Variants in MAGI2 observed in about 807,000 individuals in gnomAD.
MAGI2 encodes the protein membrane-associated guanylate kinase, WW and PDZ domain-containing protein 2.
In MAGI2, 35 loss-of-function variants were observed where a neutral mutation model predicts 133.3. That is an observed-to-expected ratio of 0.26 (90% CI 0.20 to 0.35). The LOEUF is 0.35. Ranked by LOEUF, MAGI2 falls within the 10% of genes least tolerant of loss-of-function variation. The pLI is 1.00. For synonymous variants in MAGI2, 729 were observed against 710.6 expected (o/e 1.03, Z -0.41); for missense variants, 1,636 against 1,863.4 (o/e 0.88, Z 2.25).
At chr7:78,112,814 G>C (rs1048711852) in intron 20 of MAGI2, among the ~76,000 whole-genome samples, 3 of 152,212 alleles carry the variant, frequency 2.0e-5, no homozygotes, top group Non-Finnish European at 4.4e-5. Flanking sequence ...ACTTCATAAA[G>C]TGATCAGACA....
At chr7:79,025,312 A>T (rs1344335986) in intron 1 of MAGI2, among the ~76,000 whole-genome samples, 1 of 152,166 alleles carries the variant, frequency 6.6e-6, no homozygotes, top group Non-Finnish European at 1.5e-5. Context: ...GAGTATGTGG[A>T]CACAAAGAAG....
At chr7:79,289,437 G>C (rs954845927) in intron 1 of MAGI2, among the ~76,000 whole-genome samples, 3 of 152,108 alleles carry the variant, frequency 2.0e-5, no homozygotes, top group African/African-American at 7.2e-5. Flanking sequence ...TGAGGGCAAG[G>C]TCATGAGATT....
intron 6 of MAGI2, among the ~76,000 whole-genome samples, chr7:78,382,226 A>C (rs1794988770): frequency 3.9e-5 from 6 of 152,170 alleles, no homozygotes; most frequent in African/African-American, 9.6e-5. Flanking sequence ...GAAGAGCCAC[A>C]AACTAAAGAA....
At chr7:78,612,424 G>T (rs923002975) in intron 3 of MAGI2, among the ~76,000 whole-genome samples, 1 of 151,966 alleles carries the variant, frequency 6.6e-6, no homozygotes, top group African/African-American at 2.4e-5. Context: ...ATGAGAATGA[G>T]TATTAACGGG....
chr7:79,177,970 T>C (rs1826259941), intron 1 of MAGI2, among the ~76,000 whole-genome samples: 1 of 152,062 alleles, frequency 6.6e-6, no homozygotes, highest in Non-Finnish European at 1.5e-5. Context: ...TTAAGCACTG[T>C]GTTAAGACTA....
At position 79,055,090 on chromosome 7, in the gene MAGI2, G is replaced by A. The variant is rs1222916871; in HGVS notation, c.302-47884C>T. Among the ~76,000 whole-genome samples the A allele has an allele frequency of 7.2e-5, 11 of 152,224 alleles. No homozygotes were observed. In the South Asian group the frequency reaches 1.9e-3, roughly 26 times the overall value. ...ATTACAGGCGTGAGCCACCATGTCC[G>A]GCCTCCTTGCCTGTCCTATCTTTAT... On this transcript the variant is annotated intron_variant, in intron 1 of 21. Coordinates refer to ENST00000354212, the MANE Select transcript of MAGI2 (RefSeq NM_012301.4).
intron 1 of MAGI2, among the ~76,000 whole-genome samples, chr7:79,388,888 A>C (rs1173624651): frequency 6.6e-6 from 1 of 151,170 alleles, no homozygotes; most frequent in Non-Finnish European, 1.5e-5. Context: ...GGGTATGAGT[A>C]AACAATAATT....
At chr7:78,086,641 ATT>A (rs368254308) in intron 20 of MAGI2, among the ~76,000 whole-genome samples, 1 of 116,304 alleles carries the variant, frequency 8.6e-6, no homozygotes, top group South Asian at 3.0e-4. Context: ...TATTATTATT[ATT>A]TTTTTTTTTG....
intron 1 of MAGI2, among the ~76,000 whole-genome samples, chr7:79,280,444 T>A (rs1835548858): frequency 6.6e-6 from 1 of 152,084 alleles, no homozygotes; most frequent in South Asian, 2.1e-4. Context: ...TATCAAAAAG[T>A]CCTTGTAAAG....
intron 1 of MAGI2, among the ~76,000 whole-genome samples, chr7:79,336,883 C>T (rs1012182338): frequency 1.3e-5 from 2 of 151,602 alleles, no homozygotes; most frequent in Non-Finnish European, 2.9e-5. Flanking sequence ...TACAAAGTAG[C>T]AGATATGTAG....
chr7:78,996,850 T>C (rs950865833), intron 2 of MAGI2, among the ~76,000 whole-genome samples: 2 of 152,148 alleles, frequency 1.3e-5, no homozygotes, highest in Non-Finnish European at 2.9e-5. Flanking sequence ...AGAAAATTAT[T>C]GTTTAGAGAA....
chr7:78,485,558 T>G (rs938247758), intron 6 of MAGI2: 5 of 152,030 alleles, frequency 3.3e-5, no homozygotes, highest in African/African-American at 9.7e-5. Context: ...GAGAAAACTT[T>G]TGTTAGTTTT....
At chr7:78,182,173 T>A (rs1212891418) in intron 13 of MAGI2, among the ~76,000 whole-genome samples, 1 of 152,202 alleles carries the variant, frequency 6.6e-6, no homozygotes, top group Non-Finnish European at 1.5e-5. Flanking sequence ...CATCACTTTT[T>A]GGGCTTTTCC....
intron 1 of MAGI2, among the ~76,000 whole-genome samples, chr7:79,407,200 C>T (rs992404172): frequency 6.6e-6 from 1 of 152,128 alleles, no homozygotes; most frequent in African/African-American, 2.4e-5. Flanking sequence ...AAACCTTGAC[C>T]TGATATTCAT....
intron 2 of MAGI2, among the ~76,000 whole-genome samples, chr7:78,670,551 C>T (rs1014745475): frequency 2.0e-5 from 3 of 152,254 alleles, no homozygotes; most frequent in African/African-American, 7.2e-5. Context: ...TGACTTTCTT[C>T]ACAGAATTGG....
At chr7:79,228,762 G>A (rs2129554037) in intron 1 of MAGI2, among the ~76,000 whole-genome samples, 1 of 152,234 alleles carries the variant, frequency 6.6e-6, no homozygotes, top group African/African-American at 2.4e-5. Context: ...TCACCCAGTT[G>A]AGCCCACATC....
At chr7:79,127,360 CTGAGGA>C (rs1790653380) in intron 1 of MAGI2, among the ~76,000 whole-genome samples, 1 of 152,054 alleles carries the variant, frequency 6.6e-6, no homozygotes, top group Admixed American at 6.5e-5. Flanking sequence ...TTCTAGATCC[CTGAGGA>C]ATCGCCACAC....
chr7:79,146,177 G>A (rs991302581), intron 1 of MAGI2, among the ~76,000 whole-genome samples: 1 of 152,116 alleles, frequency 6.6e-6, no homozygotes, highest in African/African-American at 2.4e-5. Context: ...TTAAACCAAG[G>A]TATGCAAAAT....
chr7:78,758,968 T>G (rs1469420326), intron 2 of MAGI2, among the ~76,000 whole-genome samples: 1 of 152,204 alleles, frequency 6.6e-6, no homozygotes, highest in Non-Finnish European at 1.5e-5. Context: ...ATTATGAGCT[T>G]CTTATGGGCC....
Sources: gnomAD v4.1 joint callset for allele counts (sites outside exome capture counted in the v4.1 genomes callset) on GRCh38, gnomAD v4.1.1 for gene constraint, MANE v1.5 for transcripts, NCBI Gene and HGNC (gene_info 2026-07-23, HGNC 2026-07-21) for gene names.